The following THSD4 variants were observed in gnomAD, a reference collection of about 807,000 sequenced individuals.
THSD4 encodes thrombospondin type 1 domain containing 4, also known as thrombospondin type-1 domain-containing protein 4.
In THSD4, 69 loss-of-function variants were observed where a neutral mutation model predicts 119.0. The observed-to-expected ratio is 0.58, with a 90% confidence interval of 0.48 to 0.71. The LOEUF is 0.71. THSD4 is among the 30% of genes least tolerant of loss of function. The probability of loss-of-function intolerance (pLI) is 0.00; values close to 1 mark genes in which losing one functional copy is unlikely to be tolerated. For missense variants in THSD4, 1,393 were observed against 1,391.1 expected (o/e 1.00, Z -0.02); for synonymous variants, 524 against 540.4 (o/e 0.97, Z 0.42).
chr15:71,215,048 T>TGGCGGCGGAGGGCGCCCCCGAGGACGAC lies in THSD4; in HGVS notation c.122_149dup (p.Ala52ArgfsTer26). 7.8e-7 allele frequency: 1 copy of TGGCGGCGGAGGGCGCCCCCGAGGACGAC among 1,289,540 alleles called. No homozygotes were observed. The highest frequency in any genetic ancestry group is 9.9e-7 in the Non-Finnish European group (1 of 1,014,086). The allele number at this position is 1,289,540 out of a possible 1,614,324, so 79.9% of individuals were successfully genotyped here. On this transcript the variant is annotated frameshift_variant, in exon 4 of 18. Transcript: ENST00000261862. LOFTEE classifies it high-confidence loss of function. ...CTGTCTCCGCAGGTCCCGCAGCGGATGGCGGCGGAGGGCGCCCCCGAGGAC... is the reference window on the plus strand; with the variant it reads ...CTGTCTCCGCAGGTCCCGCAGCGGATGGCGGCGGAGGGCGCCCCCGAGGACGACGGCGGCGGAGGGCGCCCCCGAGGAC...
At chr15:71,727,476 G>A (rs527798091) in intron 8 of THSD4, among the ~76,000 whole-genome samples, 5 of 148,452 alleles carry the variant, frequency 3.4e-5, no homozygotes, top group Non-Finnish European at 5.9e-5. Flanking sequence ...CAGGCAGATC[G>A]CTTGAGCTCA....
chr15:71,364,291 T>C (rs2045929144), intron 6 of THSD4, among the ~76,000 whole-genome samples: 1 of 152,188 alleles, frequency 6.6e-6, no homozygotes, highest in Admixed American at 6.5e-5. Flanking sequence ...CTGGACAAGT[T>C]TGCTCATCTG....
chr15:71,377,336 A>T (rs1411733520), intron 6 of THSD4, among the ~76,000 whole-genome samples: 1 of 152,176 alleles, frequency 6.6e-6, no homozygotes, highest in Non-Finnish European at 1.5e-5. Flanking sequence ...ATCCAGGACC[A>T]CAGGCAGTAT....
intron 5 of THSD4, among the ~76,000 whole-genome samples, chr15:71,249,070 T>C (rs1180960988): frequency 6.6e-6 from 1 of 152,128 alleles, no homozygotes; most frequent in Non-Finnish European, 1.5e-5. Flanking sequence ...CACTTGGAAT[T>C]TCCACAGAAA....
chr15:71,446,435 A>G (rs747574538), intron 7 of THSD4, among the ~76,000 whole-genome samples: 1 of 152,182 alleles, frequency 6.6e-6, no homozygotes, highest in East Asian at 1.9e-4. Context: ...TTAGTTCTAC[A>G]GTGTTGTTTT....
chr15:71,479,057 C>T, intron 7 of THSD4, among the ~76,000 whole-genome samples: 1 of 149,648 alleles, frequency 6.7e-6, no homozygotes, highest in Non-Finnish European at 1.5e-5. Context: ...GGAACAGAAA[C>T]ACCTGCAGGA....
At chr15:71,270,218 A>C (rs1022135465) in intron 6 of THSD4, among the ~76,000 whole-genome samples, 4 of 152,252 alleles carry the variant, frequency 2.6e-5, no homozygotes, top group African/African-American at 9.6e-5. Flanking sequence ...AGGCTACAGT[A>C]ACCAAAACAG....
chr15:71,355,787 A>G (rs193127379), intron 6 of THSD4, among the ~76,000 whole-genome samples: 111 of 152,308 alleles, frequency 7.3e-4, no homozygotes, highest in Middle Eastern at 3.4e-3. Context: ...AGGGTCAGGG[A>G]TGAAGTTTTT....
At chr15:71,123,937 G>A (rs2040431243) in intron 1 of THSD4, among the ~76,000 whole-genome samples, 1 of 152,110 alleles carries the variant, frequency 6.6e-6, no homozygotes, top group Non-Finnish European at 1.5e-5. Flanking sequence ...TTCTCATATG[G>A]TCGCACTCTC....
chr15:71,243,181 A>ATATCCTTGCTGTCTTC, intron 5 of THSD4, 85 bp downstream of exon 5: 2 of 1,382,210 alleles, frequency 1.4e-6, no homozygotes, highest in Non-Finnish European at 2.0e-6. Flanking sequence ...TGAAGACAGC[A>ATATCCTTGCTGTCTTC]AGGATATGGT....
intron 8 of THSD4, among the ~76,000 whole-genome samples, chr15:71,703,591 T>TA (rs2052334817): frequency 6.6e-6 from 1 of 152,052 alleles, no homozygotes; most frequent in Admixed American, 6.6e-5. Flanking sequence ...GGACAGGTCT[T>TA]ACATAGCACT....
intron 7 of THSD4, among the ~76,000 whole-genome samples, chr15:71,561,932 A>ACTCTCT (rs139542150): frequency 1.3e-5 from 2 of 148,360 alleles, no homozygotes; most frequent in African/African-American, 2.5e-5. Context: ...ACACTCACTC[A>ACTCTCT]CTCTCTCTCT....
Position 71,406,606 on chromosome 15 carries a change from T to C in THSD4, c.1016-5081T>C, listed in dbSNP as rs8042195. On this transcript the variant is annotated intron_variant, in intron 6 of 17. Transcript: ENST00000261862. Reference sequence around the variant, plus strand: ...AAAGTTTGAAACTACCGTTGTATTATTGTCTATTTCTTCTTTCAGTTCTCT... The same window carrying C: ...AAAGTTTGAAACTACCGTTGTATTACTGTCTATTTCTTCTTTCAGTTCTCT... Among the ~76,000 whole-genome samples the C allele has an allele frequency of 6.5e-3, 993 of 152,000 alleles. 12 individuals carry two copies. Among genetic ancestry groups the C allele is most frequent in the African/African-American group, 0.023 (950 of 41,500 alleles).
chr15:71,241,547 CTG>C (rs564452116), intron 4 of THSD4, among the ~76,000 whole-genome samples: 162 of 152,314 alleles, frequency 1.1e-3, no homozygotes, highest in African/African-American at 3.8e-3. Context: ...ATTGCTAACT[CTG>C]TGTTTTGCAA....
intron 2 of THSD4, among the ~76,000 whole-genome samples, chr15:71,144,711 G>A (rs1042092622): frequency 3.3e-5 from 5 of 152,056 alleles, no homozygotes; most frequent in African/African-American, 1.2e-4. Flanking sequence ...CATTAACATC[G>A]CAAGAGTATC....
intron 6 of THSD4, among the ~76,000 whole-genome samples, chr15:71,314,140 T>G (rs970525220): frequency 6.6e-6 from 1 of 152,206 alleles, no homozygotes; most frequent in Non-Finnish European, 1.5e-5. Context: ...CATATGATTA[T>G]AGCCTTTTTT....
chr15:71,605,867 T>C (rs180800581), intron 7 of THSD4, among the ~76,000 whole-genome samples: 259 of 152,274 alleles, frequency 1.7e-3, no homozygotes, highest in African/African-American at 4.9e-3. Flanking sequence ...AGCCCTGGGA[T>C]GCTCCGATGC....
intron 7 of THSD4, among the ~76,000 whole-genome samples, chr15:71,530,048 A>G (rs2048585424): frequency 6.6e-6 from 1 of 152,174 alleles, no homozygotes; most frequent in Non-Finnish European, 1.5e-5. Context: ...TACTTCTACA[A>G]TTTTTATTGA....
intron 7 of THSD4, among the ~76,000 whole-genome samples, chr15:71,490,543 G>C (rs527486490): frequency 5.8e-4 from 77 of 131,848 alleles, no homozygotes; most frequent in African/African-American, 2.3e-3. Context: ...CTGGGTGACA[G>C]AGCAAGACTC....
Sources: allele counts gnomAD v4.1 joint callset (sites outside exome capture counted in the v4.1 genomes callset), GRCh38; gene constraint gnomAD v4.1.1; transcripts MANE v1.5; gene names NCBI Gene and HGNC (gene_info 2026-07-23, HGNC 2026-07-21).